The following LARS1 variants were observed in gnomAD, a reference collection of about 807,000 sequenced individuals.
LARS1 encodes the protein leucyl-tRNA synthetase 1, also known as leucine--tRNA ligase, cytoplasmic.
LARS1 carries 100 observed loss-of-function variants against 162.8 expected under a neutral mutation model. That is an observed-to-expected ratio of 0.61 (90% confidence interval 0.52 to 0.73). LARS1 has a LOEUF of 0.73. Among genes scored for constraint, LARS1 ranks in the 30% least tolerant of loss-of-function variants. The probability of loss-of-function intolerance (pLI) is 0.00; values close to 1 mark genes in which losing one functional copy is unlikely to be tolerated. For synonymous variants in LARS1, 457 were observed against 462.8 expected, an observed-to-expected ratio of 0.99 and a Z score of 0.16; for missense variants, 1,258 against 1,408.9, an observed-to-expected ratio of 0.89 and a Z score of 1.71.
chr5:146,130,278 A>G (rs1204399593), intron 24 of LARS1, 120 bp from the exon 25 acceptor site: 2 of 924,786 alleles, frequency 2.2e-6, no homozygotes, highest in Admixed American at 2.6e-5. Flanking sequence ...AAAAATCCAT[A>G]ACAAATTACT....
intron 2 of LARS1, among the ~76,000 whole-genome samples, chr5:146,175,230 T>C (rs1173751797): frequency 6.8e-6 from 1 of 147,374 alleles, no homozygotes; most frequent in East Asian, 2.0e-4. Flanking sequence ...CACCACAGAC[T>C]CTGTCTCCAA....
rs771472484 is a variant in LARS1, at chr5:146,114,316, A to G, written c.3326-5T>C. ...TCAGTTTCACTTTGGAAAGGTCTAC[A>G]ACAAAATAAATTATCAATATAAGCA... is the stretch of plus-strand genomic sequence containing the variant. On this transcript the variant is annotated splice_polypyrimidine_tract_variant and splice_region_variant and intron_variant, in intron 31 of 31. Transcript: ENST00000394434. The G allele has an allele frequency of 1.9e-6, 3 of 1,610,776 alleles. No individual in the cohort carries two copies. The highest frequency in any genetic ancestry group is 3.3e-5 in the Admixed American group (2 of 59,938).
chr5:146,168,952 T>C (rs947549230), intron 4 of LARS1, among the ~76,000 whole-genome samples: 1 of 151,990 alleles, frequency 6.6e-6, no homozygotes, highest in East Asian at 1.9e-4. Context: ...CATTAGGAGA[T>C]ATACCTAATG....
chr5:146,130,377 T>C (rs1051791475), intron 24 of LARS1: 3 of 535,420 alleles, frequency 5.6e-6, no homozygotes, highest in Admixed American at 7.1e-5. Context: ...AAAAAAGAAT[T>C]TTTTTACAGA....
At chr5:146,177,478 AAAAAAATATAT>A in intron 2 of LARS1, 58 bp downstream of exon 2, 1 of 148,882 alleles carries the variant, frequency 6.7e-6, no homozygotes, top group East Asian at 1.8e-4. Flanking sequence ...AAAAAAAAAA[AAAAAAATATAT>A]ATATATATAT....
intron 15 of LARS1, 121 bp from the exon 16 acceptor site, chr5:146,144,830 T>G: frequency 1.2e-6 from 1 of 832,762 alleles, no homozygotes; most frequent in Non-Finnish European, 1.9e-6. Flanking sequence ...ACATTTTCAT[T>G]ATGTCTTGCC....
At chr5:146,134,573 T>C (rs1581024925) in intron 22 of LARS1, among the ~76,000 whole-genome samples, 1 of 152,142 alleles carries the variant, frequency 6.6e-6, no homozygotes, top group Non-Finnish European at 1.5e-5. Context: ...ACGATAATAA[T>C]AAAATGTAAT....
At chr5:146,132,826 A>T in intron 23 of LARS1, 72 bp downstream of exon 23, 2 of 1,166,152 alleles carry the variant, frequency 1.7e-6, no homozygotes, top group Non-Finnish European at 2.4e-6. Flanking sequence ...AGAAAAGAAA[A>T]GAAAAAGAAA....
intron 15 of LARS1, among the ~76,000 whole-genome samples, chr5:146,145,603 T>A (rs1752977464): frequency 6.6e-6 from 1 of 152,192 alleles, no homozygotes; most frequent in African/African-American, 2.4e-5. Context: ...GTTTTTGATT[T>A]CTTACCAAAT....
intron 20 of LARS1, among the ~76,000 whole-genome samples, chr5:146,142,138 C>A (rs1187445857): frequency 6.6e-6 from 1 of 151,912 alleles, no homozygotes; most frequent in Non-Finnish European, 1.5e-5. Context: ...CCAGCCTGGG[C>A]AACAAGAGCA....
intron 10 of LARS1, among the ~76,000 whole-genome samples, chr5:146,156,779 GAAAA>G (rs367757770): frequency 1.4e-5 from 2 of 138,864 alleles, no homozygotes; most frequent in African/African-American, 5.2e-5. Flanking sequence ...TTCTTCACAT[GAAAA>G]AAAAAAAAGG....
chr5:146,168,050 G>T, intron 5 of LARS1, 78 bp downstream of exon 5: 2 of 1,222,342 alleles, frequency 1.6e-6, no homozygotes, highest in Non-Finnish European at 2.3e-6. Context: ...GTTGGGCACT[G>T]TGCTAGTACT....
At position 146,180,630 on chromosome 5, in the gene LARS1, C is replaced by A. The variant is rs558874107; in HGVS notation, c.6+1858G>T. Among the ~76,000 whole-genome samples, 11 of 152,238 alleles carry A rather than the reference C, an allele frequency of 7.2e-5. No individual in the cohort carries two copies. The South Asian group carries it at 1.9e-3, about 26-fold the overall frequency. The stretch of plus-strand genomic sequence containing the variant: ...GTTTCTTTTCATTGTACTGAGTATG[C>A]CAAATGCAAGAAAGCTTTTATTTGA... On this transcript the variant is annotated intron_variant, in intron 1 of 31. Transcript: ENST00000394434.
chr5:146,135,632 C>A lies in LARS1; in HGVS notation c.2181G>T (p.Leu727Phe). ...MSKSTGNFLT[L>F]TQAIDKFSAD... ...CTGAAAATTTGTCAATAGCTTGGGT[C>A]AAAGTGAGGAAGTTGCCTGTGGATT... The change falls in exon 22 of 32, where the codon TTG becomes TTT. Residue 727 changes from leucine (L) to phenylalanine (F), a missense_variant. Physicochemically the swap from Leu to Phe is conservative, Grantham distance 22 (BLOSUM62 0). Transcript: ENST00000394434. 1 of 1,603,340 alleles carries A rather than the reference C, an allele frequency of 6.2e-7. No individual in the cohort carries two copies. The highest frequency in any genetic ancestry group is 1.1e-5 in the South Asian group (1 of 87,688).
At chr5:146,167,843 G>A (rs897171447) in intron 5 of LARS1, among the ~76,000 whole-genome samples, 1 of 126,196 alleles carries the variant, frequency 7.9e-6, no homozygotes, top group African/African-American at 3.1e-5. Context: ...ACCGGCTTAC[G>A]CCCGGCTAAT....
intron 20 of LARS1, among the ~76,000 whole-genome samples, chr5:146,140,892 T>C (rs922913082): frequency 6.6e-6 from 1 of 152,088 alleles, no homozygotes; most frequent in Non-Finnish European, 1.5e-5. Context: ...CACACATATA[T>C]ATACACATAT....
chr5:146,168,407 T>A (rs891249981), intron 4 of LARS1, 142 bp from the exon 5 acceptor site: 1 of 802,276 alleles, frequency 1.2e-6, no homozygotes. Flanking sequence ...TACAGAAAAC[T>A]GAAACGGAGG....
chr5:146,165,279 G>T (rs976381074), intron 5 of LARS1, among the ~76,000 whole-genome samples: 1 of 152,164 alleles, frequency 6.6e-6, no homozygotes, highest in African/African-American at 2.4e-5. Context: ...GTTGCAGTGA[G>T]CCGAGACTGT....
At chr5:146,174,505 T>TCC (rs370878443) in intron 2 of LARS1, among the ~76,000 whole-genome samples, 5,489 of 15,906 alleles carry the variant, frequency 0.35, 779 homozygotes, top group East Asian at 0.63. Context: ...TATATCCATA[T>TCC]ATATATATAT....
Sources: gnomAD v4.1 joint callset for allele counts (sites outside exome capture counted in the v4.1 genomes callset) on GRCh38, gnomAD v4.1.1 for gene constraint, MANE v1.5 for transcripts, NCBI Gene and HGNC (gene_info 2026-07-23, HGNC 2026-07-21) for gene names.